Variants in PRKG1 observed in about 807,000 individuals in gnomAD.
PRKG1 encodes the protein cGMP-dependent protein kinase 1.
Under a neutral mutation model 88.1 loss-of-function variants are expected in PRKG1, and 35 were observed. The observed-to-expected ratio is 0.40, with a 90% CI of 0.30 to 0.53. PRKG1 has a LOEUF of 0.53. PRKG1 is among the 20% of genes least tolerant of loss of function. The pLI is 0.59. For missense variants in PRKG1, 540 were observed against 839.8 expected (o/e 0.64, Z 4.41); for synonymous variants, 303 against 292.5 (o/e 1.04, Z -0.37).
intron 4 of PRKG1, among the ~76,000 whole-genome samples, chr10:51,883,299 C>T (rs1841482425): frequency 6.6e-6 from 1 of 152,214 alleles, no homozygotes; most frequent in African/African-American, 2.4e-5. Flanking sequence ...TTGTGGGGCT[C>T]TCAGTCTCCA....
chr10:51,055,109 G>A (rs946592786), intron 1 of PRKG1, among the ~76,000 whole-genome samples: 2 of 152,110 alleles, frequency 1.3e-5, no homozygotes, highest in Non-Finnish European at 2.9e-5. Flanking sequence ...CTGCATGAGT[G>A]GGATGCTTTA....
At chr10:51,395,880 C>G (rs796882469) in intron 2 of PRKG1, among the ~76,000 whole-genome samples, 1 of 152,148 alleles carries the variant, frequency 6.6e-6, no homozygotes, top group African/African-American at 2.4e-5. Context: ...TGGGGAGAAA[C>G]ATTTCTGCCC....
At chr10:51,446,170 G>T (rs1839267289) in intron 2 of PRKG1, among the ~76,000 whole-genome samples, 1 of 151,884 alleles carries the variant, frequency 6.6e-6, no homozygotes, top group African/African-American at 2.4e-5. Flanking sequence ...GAATAATTCT[G>T]TATGAATAAA....
chr10:51,984,204 A>G (rs1844091845), intron 5 of PRKG1, among the ~76,000 whole-genome samples: 1 of 152,220 alleles, frequency 6.6e-6, no homozygotes, highest in Non-Finnish European at 1.5e-5. Flanking sequence ...ACTTGGGATT[A>G]GTATATGGTA....
At chr10:51,942,412 C>T (rs1195946095) in intron 5 of PRKG1, among the ~76,000 whole-genome samples, 7 of 150,388 alleles carry the variant, frequency 4.7e-5, no homozygotes, top group Non-Finnish European at 9.0e-5. Context: ...TGCCTGTTCA[C>T]TCTGATGGTA....
chr10:51,879,981 A>C (rs1190309906), intron 4 of PRKG1, among the ~76,000 whole-genome samples: 1 of 152,210 alleles, frequency 6.6e-6, no homozygotes, highest in East Asian at 1.9e-4. Context: ...CTTTACATGG[A>C]GCAGAATGTA....
intron 3 of PRKG1, among the ~76,000 whole-genome samples, chr10:51,667,125 C>G (rs988151341): frequency 6.6e-6 from 1 of 152,006 alleles, no homozygotes; most frequent in South Asian, 2.1e-4. Flanking sequence ...ACTAAAGACT[C>G]CAAAATATTG....
At chr10:52,063,756 G>C (rs528710556) in intron 7 of PRKG1, among the ~76,000 whole-genome samples, 2 of 152,270 alleles carry the variant, frequency 1.3e-5, no homozygotes, top group African/African-American at 4.8e-5. Context: ...GCTCCTCTCT[G>C]TAGGCAGGTC....
chr10:51,239,745 G>T (rs1464810820), intron 2 of PRKG1, among the ~76,000 whole-genome samples: 3 of 152,124 alleles, frequency 2.0e-5, no homozygotes, highest in Non-Finnish European at 4.4e-5. Flanking sequence ...CATAGTAGTT[G>T]AAAGCTTGAA....
chr10:50,999,785 C>A (rs1000176862), intron 1 of PRKG1, among the ~76,000 whole-genome samples: 2 of 152,168 alleles, frequency 1.3e-5, no homozygotes, highest in Non-Finnish European at 2.9e-5. Flanking sequence ...ATCACATGGT[C>A]ACCAAGGTAC....
rs1025903099 is a variant in PRKG1 at position 52,296,317 on chromosome 10, C to G, written c.*2417C>G. 6.6e-6 allele frequency: 1 copy of G among 152,034 alleles called. No homozygotes were observed. The highest frequency in any genetic ancestry group is 2.4e-5 in the African/African-American group (1 of 41,456). 9.4% of individuals were successfully genotyped at this position (152,034 alleles called of 1,614,324 possible). On this transcript the variant is annotated 3_prime_UTR_variant, in exon 18 of 18. Transcript: ENST00000373980. ...AAGAAGTAGCATTCAGCACAAGAAA[C>G]TGTAGATTGTTTCTCCCACTTGTTA...
At chr10:51,080,461 A>G (rs528642061) in intron 1 of PRKG1, among the ~76,000 whole-genome samples, 1 of 152,228 alleles carries the variant, frequency 6.6e-6, no homozygotes, top group Non-Finnish European at 1.5e-5. Context: ...CTGCCTAGCA[A>G]TGGAGGGTCT....
chr10:51,521,252 C>A (rs1365012199), intron 3 of PRKG1, among the ~76,000 whole-genome samples: 1 of 152,166 alleles, frequency 6.6e-6, no homozygotes, highest in African/African-American at 2.4e-5. Flanking sequence ...TGTGCCACTC[C>A]AGTTTCCAGT....
intron 2 of PRKG1, among the ~76,000 whole-genome samples, chr10:51,359,307 C>T (rs913731175): frequency 1.3e-5 from 2 of 151,762 alleles, no homozygotes; most frequent in African/African-American, 2.4e-5. Flanking sequence ...TATGGTTAGA[C>T]CTCTTTAGCC....
chr10:52,166,789 A>ATATATATATATATATATATATG (rs1321857689), intron 9 of PRKG1, among the ~76,000 whole-genome samples: 145 of 12,794 alleles, frequency 0.011, no homozygotes, highest in Non-Finnish European at 0.039. Context: ...AAAAAAGCCT[A>ATATATATATATATATATATATG]TATATATACA....
intron 1 of PRKG1, among the ~76,000 whole-genome samples, chr10:51,038,619 A>G (rs1403725708): frequency 6.6e-6 from 1 of 152,144 alleles, no homozygotes; most frequent in Non-Finnish European, 1.5e-5. Flanking sequence ...CACTTGACAT[A>G]ATGTCCTCCA....
At position 52,251,651 on chromosome 10, in the gene PRKG1, C is replaced by T. The variant is rs1477052155; in HGVS notation, c.1158C>T (p.Phe386=). The change falls in exon 10 of 18, where the codon TTC becomes TTT. Residue 386 remains phenylalanine (F), a synonymous_variant. Coordinates refer to ENST00000373980, the MANE Select transcript of PRKG1 (RefSeq NM_006258.4). ...NIIDTLGVGG[F]GRVELVQLKS... ...TTGATACCCTTGGAGTTGGAGGTTT[C>T]GGACGAGTAGAACTGGTAGGTGATT... 3.7e-6 allele frequency: 6 copies of T among 1,613,086 alleles called. No homozygotes were observed. The African/African-American group carries it at 4.0e-5, about 11-fold the overall frequency.
intron 4 of PRKG1, among the ~76,000 whole-genome samples, chr10:51,873,235 T>C (rs1841204731): frequency 6.6e-6 from 1 of 152,150 alleles, no homozygotes; most frequent in Non-Finnish European, 1.5e-5. Flanking sequence ...GTTTTCATTA[T>C]ATAATGCCAT....
chr10:51,732,487 G>A (rs1166933676), intron 3 of PRKG1, among the ~76,000 whole-genome samples: 1 of 152,176 alleles, frequency 6.6e-6, no homozygotes, highest in Non-Finnish European at 1.5e-5. Flanking sequence ...GACAAAAACA[G>A]AAACATGGTC....
Sources: allele counts gnomAD v4.1 joint callset (sites outside exome capture counted in the v4.1 genomes callset), GRCh38; gene constraint gnomAD v4.1.1; transcripts MANE v1.5; gene names NCBI Gene and HGNC (gene_info 2026-07-23, HGNC 2026-07-21).